The following CSMD3 variants were observed in gnomAD, a reference collection of about 807,000 sequenced individuals.
CSMD3 encodes the protein CUB and sushi domain-containing protein 3.
In CSMD3, 177 loss-of-function variants were observed where a neutral mutation model predicts 435.2. The ratio of observed to expected loss-of-function variants is 0.41; its 90% CI spans 0.36 to 0.46. CSMD3 has a LOEUF of 0.46. CSMD3 is among the 20% of genes least tolerant of loss of function. The pLI, the probability that CSMD3 is intolerant of heterozygous loss-of-function variation, is 0.34. For missense variants in CSMD3, 4,265 were observed against 4,504.6 expected (o/e 0.95, Z 1.52); for synonymous variants, 1,656 against 1,520.5 (o/e 1.09, Z -2.07).
chr8:113,125,329 T>C (rs1223647840), intron 4 of CSMD3, among the ~76,000 whole-genome samples: 1 of 152,028 alleles, frequency 6.6e-6, no homozygotes, highest in Non-Finnish European at 1.5e-5. Context: ...GTGTCACATA[T>C]GTCTGTACAC....
intron 9 of CSMD3, among the ~76,000 whole-genome samples, chr8:112,935,167 C>A (rs113917362): frequency 1.3e-5 from 2 of 151,970 alleles, no homozygotes; most frequent in Non-Finnish European, 2.9e-5. Flanking sequence ...CCTTTTCTTA[C>A]GGCGTGTTCT....
At chr8:112,535,055 C>CA (rs1193987286) in intron 27 of CSMD3, among the ~76,000 whole-genome samples, 1 of 152,136 alleles carries the variant, frequency 6.6e-6, no homozygotes, top group Admixed American at 6.5e-5. Flanking sequence ...CTGTCTATGA[C>CA]AAACCCACAG....
At chr8:112,729,373 T>C (rs1005025093) in intron 13 of CSMD3, among the ~76,000 whole-genome samples, 7 of 152,082 alleles carry the variant, frequency 4.6e-5, no homozygotes, top group African/African-American at 7.2e-5. Flanking sequence ...ATTTTCCTAA[T>C]ACAGTGTGAA....
At chr8:112,975,748 C>G (rs2084820933) in intron 7 of CSMD3, 89 bp downstream of exon 7, 1 of 1,596,704 alleles carries the variant, frequency 6.3e-7, no homozygotes, top group Non-Finnish European at 8.5e-7. Context: ...TATCTTGGCT[C>G]TCTTTCAGCT....
Position 112,380,426 on chromosome 8 carries a change from G to A in CSMD3, c.6062C>T (p.Thr2021Met), listed in dbSNP as rs1429656861. The A allele has an allele frequency of 2.5e-6, 4 of 1,595,660 alleles. No individual in the cohort carries two copies. Among genetic ancestry groups the A allele is most frequent in the South Asian group, 1.1e-5 (1 of 90,700 alleles). ...GTTIPHLLNS[T>M]SNNLYLNFQS... The stretch of plus-strand genomic sequence containing the variant: ...AAAATTTAGATACAGATTATTAGAC[G>A]TACTATTCAAAAGATGGGGTATTGT... Residue 2021 changes from threonine (T) to methionine (M), a missense_variant, in exon 38 of 71, where the codon ACG (threonine) becomes ATG (methionine). Thr to Met is a moderately conservative substitution (Grantham distance 81). Coordinates refer to ENST00000297405, the MANE Select transcript of CSMD3 (RefSeq NM_198123.2).
chr8:113,005,204 C>T (rs967596862), intron 6 of CSMD3, among the ~76,000 whole-genome samples: 11 of 151,782 alleles, frequency 7.2e-5, no homozygotes, highest in African/African-American at 2.2e-4. Context: ...ACAAATCATT[C>T]GTTTTCTCAG....
chr8:112,721,030 G>T (rs1451331582), intron 13 of CSMD3, among the ~76,000 whole-genome samples: 1 of 152,074 alleles, frequency 6.6e-6, no homozygotes, highest in Non-Finnish European at 1.5e-5. Context: ...TTTAACAGTA[G>T]AACAGGGTCT....
rs566702049 is a variant in CSMD3, at chr8:112,289,434, G to A, written c.9079C>T (p.Leu3027Phe). 7.5e-5 allele frequency: 121 copies of A among 1,613,348 alleles called. 1 individual carries two copies. Among genetic ancestry groups the A allele is most frequent in the Non-Finnish European group, 8.9e-5 (105 of 1,179,568 alleles). Residue 3027 changes from leucine (L) to phenylalanine (F), a missense_variant, in exon 57 of 71, where the codon CTT (leucine) becomes TTT (phenylalanine). Around this residue, in one of 3 missense-constraint regions of CSMD3, gnomAD observed 3,255 missense variants for 3,380.2 expected, o/e 0.96. Transcript: ENST00000297405. Reference protein sequence around the residue: ...VHYSCTGKRSLLGQSSRTCQL... With the variant: ...VHYSCTGKRSFLGQSSRTCQL... Reference sequence around the variant, plus strand: ...CAGGTTCTTGATGACTGGCCTAAAAGGGAACGCTTTCCTGTGCAGGAATAG... The same window carrying A: ...CAGGTTCTTGATGACTGGCCTAAAAAGGAACGCTTTCCTGTGCAGGAATAG...
chr8:112,907,359 C>T (rs2082291754), intron 10 of CSMD3, among the ~76,000 whole-genome samples: 2 of 151,400 alleles, frequency 1.3e-5, no homozygotes, highest in Non-Finnish European at 3.0e-5. Context: ...GTGTTTTGTG[C>T]TCTTTAATTC....
At chr8:112,580,318 A>G (rs1014279705) in intron 23 of CSMD3, among the ~76,000 whole-genome samples, 2 of 151,976 alleles carry the variant, frequency 1.3e-5, no homozygotes, top group African/African-American at 2.4e-5. Context: ...AAATAAAACA[A>G]TCAGACCCCA....
intron 13 of CSMD3, among the ~76,000 whole-genome samples, chr8:112,710,876 G>C (rs1587039176): frequency 6.6e-6 from 1 of 151,106 alleles, no homozygotes; most frequent in East Asian, 2.0e-4. Context: ...GCATATTTCT[G>C]CTTCCCTTTC....
chr8:112,299,227 C>A (rs373522714), intron 53 of CSMD3, among the ~76,000 whole-genome samples: 26 of 152,092 alleles, frequency 1.7e-4, no homozygotes, highest in African/African-American at 6.3e-4. Context: ...CGTGAAGGGG[C>A]ATAAGAAAAC....
At chr8:112,778,938 G>C (rs1202961990) in intron 13 of CSMD3, among the ~76,000 whole-genome samples, 1 of 151,776 alleles carries the variant, frequency 6.6e-6, no homozygotes, top group Non-Finnish European at 1.5e-5. Flanking sequence ...ATATGATGTT[G>C]AACATATTTT....
At chr8:112,786,965 T>C (rs999718970) in intron 13 of CSMD3, among the ~76,000 whole-genome samples, 12 of 152,128 alleles carry the variant, frequency 7.9e-5, no homozygotes, top group Admixed American at 1.3e-4. Context: ...CTCCCACTTA[T>C]GAGTGAGAAC....
At chr8:112,965,486 A>G (rs1234627658) in intron 7 of CSMD3, among the ~76,000 whole-genome samples, 2 of 151,996 alleles carry the variant, frequency 1.3e-5, no homozygotes, top group Non-Finnish European at 2.9e-5. Flanking sequence ...AAAAAAATAT[A>G]TAGGTTTCCT....
At chr8:113,187,451 G>A (rs1469851586) in intron 3 of CSMD3, among the ~76,000 whole-genome samples, 1 of 151,958 alleles carries the variant, frequency 6.6e-6, no homozygotes, top group Non-Finnish European at 1.5e-5. Flanking sequence ...TGACAAATAT[G>A]ACCACTCTGT....
chr8:112,882,316 C>A (rs924243325), intron 10 of CSMD3, among the ~76,000 whole-genome samples: 1 of 151,986 alleles, frequency 6.6e-6, no homozygotes, highest in African/African-American at 2.4e-5. Flanking sequence ...AAATTAACAG[C>A]TTCTCTTTGC....
intron 13 of CSMD3, among the ~76,000 whole-genome samples, chr8:112,718,515 G>GTATATATATATA (rs35810260): frequency 6.1e-4 from 85 of 140,464 alleles, no homozygotes; most frequent in African/African-American, 2.1e-3. Context: ...GTATATATAT[G>GTATATATATATA]TATATATATA....
chr8:112,994,460 T>C (rs2085569989), intron 6 of CSMD3, among the ~76,000 whole-genome samples: 1 of 151,704 alleles, frequency 6.6e-6, no homozygotes, highest in Non-Finnish European at 1.5e-5. Context: ...TGCCCTTTTG[T>C]CAATATTTTT....
Sources: gnomAD v4.1 joint callset for allele counts (sites outside exome capture counted in the v4.1 genomes callset) on GRCh38, gnomAD v4.1.1 for gene constraint, gnomAD v4.1.1 regional missense constraint, MANE v1.5 for transcripts, NCBI Gene and HGNC (gene_info 2026-07-23, HGNC 2026-07-21) for gene names.